LRMDA: variants seen among roughly 807,000 people sequenced by gnomAD.
The protein encoded by LRMDA is leucine-rich melanocyte differentiation-associated protein.
Under a neutral mutation model 29.8 loss-of-function variants are expected in LRMDA, and 18 were observed. The observed-to-expected ratio is 0.60, with a 90% CI of 0.42 to 0.90. The LOEUF (loss-of-function observed/expected upper bound fraction) is 0.90, where lower values mean the gene tolerates loss of function less well. Among genes scored for constraint, LRMDA ranks in the 40% least tolerant of loss-of-function variants. The pLI is 0.00. For missense variants in LRMDA, 273 were observed against 273.9 expected (o/e 1.00, Z 0.02); for synonymous variants, 125 against 109.4 (o/e 1.14, Z -0.89).
chr10:76,452,645 G>C (rs1208387807), intron 6 of LRMDA, among the ~76,000 whole-genome samples: 1 of 152,196 alleles, frequency 6.6e-6, no homozygotes, highest in Non-Finnish European at 1.5e-5. Flanking sequence ...GCAGTGTCCA[G>C]GAAGAAGATA....
Position 75,444,143 on chromosome 10 carries a change from AT to A in LRMDA, c.131+5657del, listed in dbSNP as rs1424689464. ...ACTTTTGTTTGAAGTTACTGTATGT[AT>A]TTTTTTTCTTCTCATTATACGTCAG... is the stretch of plus-strand genomic sequence containing the variant. On this transcript the variant is annotated intron_variant, in intron 2 of 6. Transcript: ENST00000611255. 7.2e-5 allele frequency among the ~76,000 whole-genome samples: 11 copies of A among 151,928 alleles called. No homozygotes were observed. The South Asian group carries it at 1.0e-3, about 14-fold the overall frequency.
intron 5 of LRMDA, among the ~76,000 whole-genome samples, chr10:76,247,528 C>T (rs1466327868): frequency 6.6e-6 from 1 of 152,206 alleles, no homozygotes; most frequent in East Asian, 1.9e-4. Context: ...AACTGGAATA[C>T]TCTGGCTAGA....
intron 2 of LRMDA, among the ~76,000 whole-genome samples, chr10:75,835,248 G>T (rs535039958): frequency 2.3e-4 from 35 of 152,276 alleles, no homozygotes; most frequent in Non-Finnish European, 4.3e-4. Flanking sequence ...GCATTCCAGT[G>T]TCTAGCAACC....
At chr10:75,758,731 G>A (rs1369763923) in intron 2 of LRMDA, among the ~76,000 whole-genome samples, 1 of 152,206 alleles carries the variant, frequency 6.6e-6, no homozygotes, top group African/African-American at 2.4e-5. Flanking sequence ...ATAAAAACAA[G>A]TGGATTCTTT....
intron 2 of LRMDA, among the ~76,000 whole-genome samples, chr10:75,778,623 G>A (rs1372714084): frequency 2.7e-4 from 41 of 152,134 alleles, no homozygotes; most frequent in Non-Finnish European, 1.5e-4. Flanking sequence ...AGTAGGATCA[G>A]ACATAACTCC....
intron 2 of LRMDA, among the ~76,000 whole-genome samples, chr10:75,857,352 CAAAAAGAGAGAG>C (rs1844845249): frequency 1.3e-5 from 2 of 152,126 alleles, no homozygotes; most frequent in Admixed American, 1.3e-4. Flanking sequence ...TCAGGTGTCA[CAAAAAGAGAGAG>C]AAAAATCATC....
chr10:75,780,974 C>A (rs956153511), intron 2 of LRMDA, among the ~76,000 whole-genome samples: 1 of 152,172 alleles, frequency 6.6e-6, no homozygotes, highest in Non-Finnish European at 1.5e-5. Flanking sequence ...TTGGAACTTC[C>A]CCCTTGTCCC....
chr10:75,558,425 G>A (rs1840243830), intron 2 of LRMDA, among the ~76,000 whole-genome samples: 1 of 152,108 alleles, frequency 6.6e-6, no homozygotes, highest in African/African-American at 2.4e-5. Flanking sequence ...TCCTATATAA[G>A]GGTCTACATT....
At chr10:75,775,709 G>C (rs761866400) in intron 2 of LRMDA, among the ~76,000 whole-genome samples, 1 of 152,174 alleles carries the variant, frequency 6.6e-6, no homozygotes, top group Admixed American at 6.5e-5. Flanking sequence ...GGAATCTCTT[G>C]GTGGCTCCAC....
chr10:76,144,981 A>G (rs1210683159), intron 5 of LRMDA, among the ~76,000 whole-genome samples: 1 of 152,178 alleles, frequency 6.6e-6, no homozygotes, highest in Non-Finnish European at 1.5e-5. Flanking sequence ...TTCTGTTTAT[A>G]TGCTGGATTA....
At chr10:76,254,352 T>TG (rs1317823975) in intron 5 of LRMDA, among the ~76,000 whole-genome samples, 2 of 148,386 alleles carry the variant, frequency 1.3e-5, no homozygotes, top group South Asian at 2.2e-4. Flanking sequence ...TCCTATCCTA[T>TG]CCTATCCTAT....
At chr10:76,179,751 C>T (rs1353557717) in intron 5 of LRMDA, among the ~76,000 whole-genome samples, 1 of 152,126 alleles carries the variant, frequency 6.6e-6, no homozygotes, top group African/African-American at 2.4e-5. Context: ...CAATATGAGC[C>T]TGGAATGCCT....
chr10:76,335,829 A>T (rs1425192512), intron 6 of LRMDA, among the ~76,000 whole-genome samples: 2 of 152,140 alleles, frequency 1.3e-5, no homozygotes, highest in African/African-American at 2.4e-5. Flanking sequence ...GAGAGAATAG[A>T]TTGTAAATAT....
intron 6 of LRMDA, among the ~76,000 whole-genome samples, chr10:76,520,479 A>T (rs1843107670): frequency 6.6e-6 from 1 of 152,130 alleles, no homozygotes; most frequent in African/African-American, 2.4e-5. Flanking sequence ...ATGCAGAATC[A>T]TTTTCTAAAG....
intron 2 of LRMDA, among the ~76,000 whole-genome samples, chr10:75,654,893 G>A (rs1215890705): frequency 1.3e-5 from 2 of 152,200 alleles, no homozygotes; most frequent in Non-Finnish European, 2.9e-5. Flanking sequence ...TCACAATCAT[G>A]TGACACTTTT....
At chr10:75,876,779 C>A (rs1477418104) in intron 2 of LRMDA, among the ~76,000 whole-genome samples, 1 of 152,144 alleles carries the variant, frequency 6.6e-6, no homozygotes, top group Admixed American at 6.5e-5. Flanking sequence ...TAACAAGATT[C>A]AATAACTACG....
chr10:75,481,347 A>G (rs548048587), intron 2 of LRMDA, among the ~76,000 whole-genome samples: 1 of 152,204 alleles, frequency 6.6e-6, no homozygotes, highest in South Asian at 2.1e-4. Flanking sequence ...GGAAAGAGCA[A>G]TTTAAAGAGG....
At chr10:75,505,024 CAGA>C (rs1845155259) in intron 2 of LRMDA, among the ~76,000 whole-genome samples, 2 of 152,138 alleles carry the variant, frequency 1.3e-5, no homozygotes, top group Non-Finnish European at 2.9e-5. Flanking sequence ...AGATTAACAT[CAGA>C]AGAACTAGGT....
chr10:76,092,809 G>A (rs1398872982), intron 5 of LRMDA, among the ~76,000 whole-genome samples: 1 of 152,052 alleles, frequency 6.6e-6, no homozygotes, highest in Non-Finnish European at 1.5e-5. Flanking sequence ...GGGCCCAATA[G>A]GTACACACAT....
Sources: gnomAD v4.1 joint callset for allele counts (sites outside exome capture counted in the v4.1 genomes callset) on GRCh38, gnomAD v4.1.1 for gene constraint, MANE v1.5 for transcripts, NCBI Gene and HGNC (gene_info 2026-07-23, HGNC 2026-07-21) for gene names.